Variants in RCOR1 observed in about 807,000 individuals in gnomAD.
The protein encoded by RCOR1 is REST corepressor.
RCOR1 carries 12 observed loss-of-function variants against 64.0 expected under a neutral mutation model. The ratio of observed to expected loss-of-function variants is 0.19; its 90% CI spans 0.12 to 0.30. The LOEUF (loss-of-function observed/expected upper bound fraction) is 0.30, where lower values mean the gene tolerates loss of function less well. Among genes scored for constraint, RCOR1 ranks in the 10% least tolerant of loss-of-function variants. The probability of loss-of-function intolerance (pLI) is 1.00; values close to 1 mark genes in which losing one functional copy is unlikely to be tolerated. For missense variants in RCOR1, 502 were observed against 621.2 expected (o/e 0.81, Z 2.04); for synonymous variants, 279 against 227.2 (o/e 1.23, Z -2.05).
intron 3 of RCOR1, among the ~76,000 whole-genome samples, chr14:102,692,120 T>G (rs1341166293): frequency 6.6e-6 from 1 of 152,248 alleles, no homozygotes; most frequent in Non-Finnish European, 1.5e-5. Flanking sequence ...TTTGCTGTTT[T>G]AGTTAGGTCT....
At chr14:102,707,704 G>A (rs1895882698) in intron 5 of RCOR1, among the ~76,000 whole-genome samples, 192 bp downstream of exon 5, 1 of 152,066 alleles carries the variant, frequency 6.6e-6, no homozygotes. Context: ...AGCACTTCTA[G>A]CACTTCCCAT....
At chr14:102,684,411 A>C (rs1227594095) in intron 3 of RCOR1, among the ~76,000 whole-genome samples, 3 of 152,180 alleles carry the variant, frequency 2.0e-5, no homozygotes, top group Non-Finnish European at 2.9e-5. Context: ...AGATGGCATA[A>C]AAAAGGATTG....
At chr14:102,685,216 T>C (rs1325022224) in intron 3 of RCOR1, among the ~76,000 whole-genome samples, 1 of 152,174 alleles carries the variant, frequency 6.6e-6, no homozygotes, top group Non-Finnish European at 1.5e-5. Context: ...ATGCATAATA[T>C]ATAATTGTTT....
chr14:102,617,977 T>C (rs959498892), intron 2 of RCOR1, among the ~76,000 whole-genome samples: 18 of 149,006 alleles, frequency 1.2e-4, no homozygotes, highest in Non-Finnish European at 2.2e-4. Context: ...TTTTTCTTTT[T>C]TTTTTTTTTT....
At chr14:102,627,960 GGTGT>G (rs3069199) in intron 2 of RCOR1, among the ~76,000 whole-genome samples, 4 of 148,964 alleles carry the variant, frequency 2.7e-5, no homozygotes, top group Admixed American at 6.7e-5. Context: ...ATTTAAAAGG[GGTGT>G]GTGTGTGTGT....
chr14:102,687,999 C>A (rs943155495), intron 3 of RCOR1, among the ~76,000 whole-genome samples: 20 of 148,304 alleles, frequency 1.3e-4, no homozygotes, highest in African/African-American at 4.7e-4. Flanking sequence ...AGAGGTCTCG[C>A]TCTGTTGCCC....
chr14:102,702,689 A>G (rs529259719), intron 4 of RCOR1, among the ~76,000 whole-genome samples: 1 of 152,282 alleles, frequency 6.6e-6, no homozygotes, highest in East Asian at 1.9e-4. Flanking sequence ...GATCCTCACA[A>G]TGGAGGCAAG....
At position 102,726,629 on chromosome 14, in the gene RCOR1, G is replaced by GAT; in HGVS notation, c.*123_*124insAT. 1.2e-6 allele frequency: 1 copy of GAT among 812,544 alleles called. No individual in the cohort carries two copies. The highest frequency in any genetic ancestry group is 2.0e-6 in the Non-Finnish European group (1 of 501,210). The allele number at this position is 812,544 out of a possible 1,614,324, so 50.3% of individuals were successfully genotyped here. A position where few individuals can be genotyped will look rare whatever the true frequency, so the allele number is the denominator to read the frequency against. On this transcript the variant is annotated 3_prime_UTR_variant, in exon 12 of 12. Coordinates refer to ENST00000262241, the MANE Select transcript of RCOR1 (RefSeq NM_015156.4). ...GGACAAGCAGCTATTACCAAAAAAG[G>GAT]CATATACTTCCAGTCCTGTGCTCCA...
intron 2 of RCOR1, among the ~76,000 whole-genome samples, chr14:102,613,069 G>GT (rs1457639763): frequency 3.3e-5 from 5 of 151,556 alleles, no homozygotes; most frequent in Non-Finnish European, 7.4e-5. Flanking sequence ...TGTTTGTTTT[G>GT]TTTTTTGAGA....
At chr14:102,616,948 G>A (rs1893773454) in intron 2 of RCOR1, among the ~76,000 whole-genome samples, 1 of 152,236 alleles carries the variant, frequency 6.6e-6, no homozygotes, top group Non-Finnish European at 1.5e-5. Flanking sequence ...ACGGTTGCCA[G>A]CTATTGGTCA....
At chr14:102,662,523 T>C (rs535975408) in intron 2 of RCOR1, 13 of 508,838 alleles carry the variant, frequency 2.6e-5, no homozygotes, top group Non-Finnish European at 4.3e-5. Context: ...GGGGCGCTCT[T>C]CTGAGGATAT....
At chr14:102,648,328 C>T (rs1002549242) in intron 2 of RCOR1, among the ~76,000 whole-genome samples, 6 of 152,230 alleles carry the variant, frequency 3.9e-5, no homozygotes, top group Non-Finnish European at 5.9e-5. Flanking sequence ...ATCTGCCTGC[C>T]TTGGCCTCCC....
At chr14:102,721,892 T>C (rs1191933679) in intron 10 of RCOR1, among the ~76,000 whole-genome samples, 1 of 152,168 alleles carries the variant, frequency 6.6e-6, no homozygotes, top group East Asian at 1.9e-4. Flanking sequence ...GCTCTGGACC[T>C]GCGATACCAA....
chr14:102,684,723 A>AT (rs577572784), intron 3 of RCOR1, among the ~76,000 whole-genome samples: 1 of 151,826 alleles, frequency 6.6e-6, no homozygotes, highest in Non-Finnish European at 1.5e-5. Context: ...ATTTCTTCCA[A>AT]TTTTTTTTGT....
chr14:102,630,487 A>G (rs911477280), intron 2 of RCOR1, among the ~76,000 whole-genome samples: 1 of 152,222 alleles, frequency 6.6e-6, no homozygotes, highest in Admixed American at 6.5e-5. Context: ...GATTCAAAGT[A>G]TCTGCTTAGC....
At chr14:102,656,069 T>C in intron 2 of RCOR1, 1 of 985,428 alleles carries the variant, frequency 1.0e-6, no homozygotes, top group Non-Finnish European at 1.2e-6. Context: ...TGTTTCTTGA[T>C]GTACCCATTT....
At chr14:102,628,206 C>T (rs567773354) in intron 2 of RCOR1, among the ~76,000 whole-genome samples, 1 of 152,096 alleles carries the variant, frequency 6.6e-6, no homozygotes, top group Non-Finnish European at 1.5e-5. Flanking sequence ...GAGTCCCACC[C>T]ACATTAAGGA....
At chr14:102,685,862 A>G (rs925848436) in intron 3 of RCOR1, among the ~76,000 whole-genome samples, 2 of 152,048 alleles carry the variant, frequency 1.3e-5, no homozygotes, top group Non-Finnish European at 2.9e-5. Context: ...TTGGAGGCAG[A>G]GATGAGGATG....
At chr14:102,649,829 A>G (rs1008911653) in intron 2 of RCOR1, 133 of 965,310 alleles carry the variant, frequency 1.4e-4, no homozygotes, top group Non-Finnish European at 1.6e-4. Context: ...ATTAGGAATG[A>G]TCCTCAAGAA....
Sources: allele counts gnomAD v4.1 joint callset (sites outside exome capture counted in the v4.1 genomes callset), GRCh38; gene constraint gnomAD v4.1.1; transcripts MANE v1.5; gene names NCBI Gene and HGNC (gene_info 2026-07-23, HGNC 2026-07-21).